Variants in GATAD2A observed in about 807,000 individuals in gnomAD.
GATAD2A encodes GATA zinc finger domain containing 2A, also known as transcriptional repressor p66-alpha.
GATAD2A carries 12 observed loss-of-function variants against 68.5 expected under a neutral mutation model. The observed-to-expected ratio is 0.18, with a 90% CI of 0.11 to 0.28. The LOEUF is 0.28. Among genes scored for constraint, GATAD2A ranks in the 10% least tolerant of loss-of-function variants. GATAD2A has a pLI of 1.00. For synonymous variants in GATAD2A, 410 were observed against 375.3 expected, an observed-to-expected ratio of 1.09 and a Z score of -1.07; for missense variants, 755 against 868.5, an observed-to-expected ratio of 0.87 and a Z score of 1.64.
intron 2 of GATAD2A, among the ~76,000 whole-genome samples, chr19:19,477,175 C>T (rs568924621): frequency 2.6e-5 from 4 of 152,150 alleles, no homozygotes; most frequent in African/African-American, 7.2e-5. Flanking sequence ...GGCTGAGGCT[C>T]GGGCAGATGC....
At chr19:19,410,583 C>T (rs1349377159) in intron 1 of GATAD2A, among the ~76,000 whole-genome samples, 2 of 152,206 alleles carry the variant, frequency 1.3e-5, no homozygotes, top group East Asian at 3.8e-4. Context: ...AACCTTGAAA[C>T]GTAGCCTAAA....
intron 1 of GATAD2A, among the ~76,000 whole-genome samples, chr19:19,459,081 C>T (rs2147932772): frequency 6.6e-6 from 1 of 152,312 alleles, no homozygotes; most frequent in East Asian, 1.9e-4. Context: ...GCTGGGACTA[C>T]AGGCATGTGC....
At chr19:19,404,154 C>T (rs946406197), upstream of GATAD2A, among the ~76,000 whole-genome samples, 15 of 151,160 alleles carry the variant, frequency 9.9e-5, no homozygotes, top group Admixed American at 2.0e-4. Context: ...TGTGAGGTGG[C>T]GGGGTGGAAT....
chr19:19,487,819 G>A (rs2059541852), intron 2 of GATAD2A, among the ~76,000 whole-genome samples: 1 of 152,188 alleles, frequency 6.6e-6, no homozygotes, highest in African/African-American at 2.4e-5. Context: ...TTTGCACAAG[G>A]GACAAGTGAG....
At chr19:19,457,076 C>G (rs1474753053) in intron 1 of GATAD2A, 3 of 984,684 alleles carry the variant, frequency 3.0e-6, no homozygotes, top group Non-Finnish European at 3.6e-6. Context: ...CCGATCCAGT[C>G]CTTCAACTCA....
In GATAD2A at chr19:19,507,623, C is replaced by G. The variant is rs184716902; in HGVS notation, c.*2149C>G. 2 of 152,444 alleles carry G rather than the reference C, an allele frequency of 1.3e-5. No individual in the cohort carries two copies. The highest frequency in any genetic ancestry group is 2.4e-5 in the African/African-American group (1 of 41,466). 9.4% of individuals were successfully genotyped at this position (152,444 alleles called of 1,614,324 possible). ...CTCTCCCAGCCTGGCCTGGCTGTTC[C>G]TCCAGGGCTGATGGCTGTCAACCCA... On this transcript the variant is annotated 3_prime_UTR_variant, in exon 12 of 12. Coordinates refer to ENST00000683918, the MANE Select transcript of GATAD2A (RefSeq NM_001384528.1).
At chr19:19,409,527 TATCTG>T (rs1196912877) in intron 1 of GATAD2A, among the ~76,000 whole-genome samples, 1 of 152,144 alleles carries the variant, frequency 6.6e-6, no homozygotes, top group Non-Finnish European at 1.5e-5. Context: ...GCTTTTGAGT[TATCTG>T]AGCTGCTTCG....
chr19:19,495,883 C>G lies in GATAD2A; in HGVS notation c.754C>G (p.Gln252Glu). The stretch of plus-strand genomic sequence containing the variant: ...CATGCCCCCACTCGTCAGGGGGGCT[C>G]AGGTAAGCAGGGCTGTGCACATGGG... ...VVMPPLVRGA[Q>E]QIHSIRQHSS... Residue 252 changes from glutamine (Q) to glutamate (E), a missense_variant and splice_region_variant, in exon 6 of 12, where the codon CAG becomes GAG. Coordinates refer to ENST00000683918, the MANE Select transcript of GATAD2A (RefSeq NM_001384528.1). 1 of 1,611,870 alleles carries G rather than the reference C, an allele frequency of 6.2e-7. No individual in the cohort carries two copies. The highest frequency in any genetic ancestry group is 8.5e-7 in the Non-Finnish European group (1 of 1,178,854).
chr19:19,478,463 G>A (rs926964668), intron 2 of GATAD2A, among the ~76,000 whole-genome samples: 4 of 151,922 alleles, frequency 2.6e-5, no homozygotes, highest in African/African-American at 9.7e-5. Flanking sequence ...GTGTGGTGGC[G>A]CACTTCTGTA....
At chr19:19,433,669 A>G (rs746688457) in intron 1 of GATAD2A, among the ~76,000 whole-genome samples, 3 of 152,268 alleles carry the variant, frequency 2.0e-5, no homozygotes, top group Non-Finnish European at 4.4e-5. Context: ...CTTTAGAAAC[A>G]TCTTTTAAAC....
chr19:19,436,874 G>A (rs1263123264), intron 1 of GATAD2A, among the ~76,000 whole-genome samples: 1 of 152,182 alleles, frequency 6.6e-6, no homozygotes, highest in African/African-American at 2.4e-5. Context: ...TTTATAGATG[G>A]GGACACACAT....
At chr19:19,422,377 T>C (rs2147281656) in intron 1 of GATAD2A, among the ~76,000 whole-genome samples, 1 of 152,244 alleles carries the variant, frequency 6.6e-6, no homozygotes, top group East Asian at 1.9e-4. Flanking sequence ...TTCTCTCTGC[T>C]TGCTCCCTGG....
At chr19:19,502,234 G>A in intron 10 of GATAD2A, 97 bp from the exon 11 acceptor site, 2 of 1,060,542 alleles carry the variant, frequency 1.9e-6, no homozygotes, top group East Asian at 2.4e-5. Context: ...ATGTGGGTGG[G>A]AAGAGGTCAG....
At chr19:19,462,309 G>A (rs1443815915) in intron 1 of GATAD2A, among the ~76,000 whole-genome samples, 2 of 152,324 alleles carry the variant, frequency 1.3e-5, no homozygotes, top group East Asian at 1.9e-4. Flanking sequence ...TGTGGTGGCC[G>A]AGGATTGGCC....
chr19:19,498,419 T>C (rs982690136), intron 7 of GATAD2A, 24 bp from the exon 8 acceptor site: 3 of 1,593,032 alleles, frequency 1.9e-6, no homozygotes, highest in Non-Finnish European at 2.6e-6. Context: ...CGGAGCGCCC[T>C]GACTGAGTTT....
chr19:19,416,804 C>T (rs952016756), intron 1 of GATAD2A, among the ~76,000 whole-genome samples: 8 of 151,516 alleles, frequency 5.3e-5, no homozygotes, highest in African/African-American at 1.7e-4. Flanking sequence ...CTCTTGTTGC[C>T]CAGGCCAGAG....
chr19:19,419,018 A>C (rs1454048901), intron 1 of GATAD2A, among the ~76,000 whole-genome samples: 2 of 152,070 alleles, frequency 1.3e-5, no homozygotes, highest in Non-Finnish European at 2.9e-5. Context: ...AAGGCCTCCT[A>C]GCTGGGCCTG....
intron 1 of GATAD2A, among the ~76,000 whole-genome samples, chr19:19,412,145 T>G (rs2051023901): frequency 6.6e-6 from 1 of 151,258 alleles, no homozygotes; most frequent in Admixed American, 6.6e-5. Context: ...TTTTTTTTAA[T>G]TTTTAATTTT....
At chr19:19,459,244 TTACTA>T (rs1400009045) in intron 1 of GATAD2A, among the ~76,000 whole-genome samples, 2 of 152,258 alleles carry the variant, frequency 1.3e-5, no homozygotes, top group Non-Finnish European at 2.9e-5. Context: ...ACAGAAATGT[TTACTA>T]TAGTAAGTGA....
Sources: gnomAD v4.1 joint callset for allele counts (sites outside exome capture counted in the v4.1 genomes callset) on GRCh38, gnomAD v4.1.1 for gene constraint, MANE v1.5 for transcripts, NCBI Gene and HGNC (gene_info 2026-07-23, HGNC 2026-07-21) for gene names.